GCN1: variants seen among roughly 807,000 people sequenced by gnomAD.
GCN1 encodes GCN1 activator of EIF2AK4, also known as stalled ribosome sensor GCN1.
GCN1 carries 90 observed loss-of-function variants against 288.4 expected under a neutral mutation model. That is an observed-to-expected ratio of 0.31 (90% confidence interval 0.26 to 0.37). GCN1 has a LOEUF of 0.37. GCN1 is among the 10% of genes least tolerant of loss of function. The probability of loss-of-function intolerance (pLI) is 1.00; values close to 1 mark genes in which losing one functional copy is unlikely to be tolerated. For missense variants in GCN1, 2,586 were observed against 3,419.9 expected, an observed-to-expected ratio of 0.76 and a Z score of 6.08; for synonymous variants, 1,386 against 1,420.2, an observed-to-expected ratio of 0.98 and a Z score of 0.54.
At position 120,137,766 on chromosome 12, in the gene GCN1, C is replaced by G; in HGVS notation, c.6442G>C (p.Gly2148Arg). 1 of 1,614,064 alleles carries G rather than the reference C, an allele frequency of 6.2e-7. No homozygotes were observed. Among genetic ancestry groups the G allele is most frequent in the Non-Finnish European group, 8.5e-7 (1 of 1,179,960 alleles). ...AVILSVEDDT[G>R]HRIIIEDLLE... ...AGATCCTCGATGATGATCCGGTGCC[C>G]TGTGTCATCCTCTACGGAGAGGATC... is the stretch of plus-strand genomic sequence containing the variant. The change falls in exon 49 of 58, where the codon GGG (glycine) becomes CGG (arginine). Residue 2148 changes from glycine to arginine, a missense_variant. Around this residue, in one of 8 missense-constraint regions of GCN1, gnomAD observed 437 missense variants for 570.5 expected, o/e 0.77. Transcript: ENST00000300648. This position sits in a 1 kb window ranked among gnomAD's most constrained non-coding sequence, Gnocchi z 5.2.
At chr12:120,136,374 T>C (rs755091751) in intron 51 of GCN1, 128 bp downstream of exon 51, 1 of 698,670 alleles carries the variant, frequency 1.4e-6, no homozygotes, top group Non-Finnish European at 2.5e-6. Context: ...AAGTCCAAGG[T>C]CTTACCTCCC....
intron 54 of GCN1, among the ~76,000 whole-genome samples, chr12:120,131,638 G>A (rs1876827930): frequency 6.6e-6 from 1 of 152,246 alleles, no homozygotes; most frequent in Admixed American, 6.5e-5. Flanking sequence ...TTTAGAGACA[G>A]GGCCTCGCTC....
intron 1 of GCN1, among the ~76,000 whole-genome samples, chr12:120,193,763 T>C (rs1274121744): frequency 6.6e-6 from 1 of 152,246 alleles, no homozygotes; most frequent in Non-Finnish European, 1.5e-5. Flanking sequence ...CTTTTCTTTC[T>C]AGTATTCAGT....
chr12:120,142,469 T>C lies in GCN1; in HGVS notation c.5829+38A>G. On this transcript the variant is annotated intron_variant, in intron 44 of 57. Coordinates refer to ENST00000300648, the MANE Select transcript of GCN1 (RefSeq NM_006836.2). The surrounding 1 kb of genome is among the most constrained non-coding windows in gnomAD (Gnocchi z 4.9). ...CCTTCTAGGCTCTGAAAGGAGGCAC[T>C]GGGGCTGCTGGTCCAAAACAAGGCC... The C allele has an allele frequency of 6.6e-7, 1 of 1,513,084 alleles. No homozygotes were observed. The highest frequency in any genetic ancestry group is 9.2e-7 in the Non-Finnish European group (1 of 1,088,902). 93.7% of individuals were successfully genotyped at this position (1,513,084 alleles called of 1,614,324 possible). A position where few individuals can be genotyped will look rare whatever the true frequency, so the allele number is the denominator to read the frequency against.
Position 120,161,584 on chromosome 12 carries a change from C to G in GCN1, c.2343-1G>C, listed in dbSNP as rs1483060730. ...CTTTTTTATGCTGTCCTGCTGGGCA[C>G]TGAAACACCAGAGTGGGTCATCAGC... is the stretch of plus-strand genomic sequence containing the variant. On this transcript the variant is annotated splice_acceptor_variant, in intron 21 of 57. Coordinates refer to ENST00000300648, the MANE Select transcript of GCN1 (RefSeq NM_006836.2). LOFTEE classifies it high-confidence loss of function. 2 of 1,609,718 alleles carry G rather than the reference C, an allele frequency of 1.2e-6. No homozygotes were observed. The highest frequency in any genetic ancestry group is 1.7e-6 in the Non-Finnish European group (2 of 1,176,048).
chr12:120,165,237 A>T (rs1324106641), intron 16 of GCN1, among the ~76,000 whole-genome samples: 1 of 151,868 alleles, frequency 6.6e-6, no homozygotes, highest in Admixed American at 6.6e-5. Context: ...GGGTTTCACC[A>T]TGTTAGCCAG....
intron 33 of GCN1, among the ~76,000 whole-genome samples, chr12:120,152,435 T>C (rs1012007398): frequency 5.8e-4 from 76 of 130,540 alleles, no homozygotes; most frequent in Non-Finnish European, 1.1e-3. Context: ...TAAATATATA[T>C]ATATTTATAT....
At chr12:120,181,558 G>A (rs1034054899) in intron 5 of GCN1, among the ~76,000 whole-genome samples, 2 of 148,706 alleles carry the variant, frequency 1.3e-5, no homozygotes, top group African/African-American at 5.0e-5. Context: ...GGCTGGGCAC[G>A]ACCAGGTGCA....
At chr12:120,139,485 C>A (rs946008958) in intron 45 of GCN1, among the ~76,000 whole-genome samples, 1 of 150,882 alleles carries the variant, frequency 6.6e-6, no homozygotes, top group African/African-American at 2.4e-5. Flanking sequence ...AAATTAGCTA[C>A]GTGTGGTGGT....
Position 120,174,132 on chromosome 12 carries a change from A to G in GCN1, c.1131T>C (p.Pro377=), listed in dbSNP as rs774256431. 1 of 1,607,898 alleles carries G rather than the reference A, an allele frequency of 6.2e-7. No homozygotes were observed. The highest frequency in any genetic ancestry group is 2.2e-5 in the East Asian group (1 of 44,866). Reference sequence around the variant, plus strand: ...CGATCCCATTCAGGACCTGACTGGAAGGTCCAGACACCACGTGATGACTGA... The same window carrying G: ...CGATCCCATTCAGGACCTGACTGGAGGGTCCAGACACCACGTGATGACTGA... ...GSVSHHVVSG[P]SSQVLNGIVA... is the part of the protein sequence containing the mutation. The change falls in exon 13 of 58, where the codon CCT becomes CCC. Residue 377 remains proline (P), a synonymous_variant. Coordinates refer to ENST00000300648, the MANE Select transcript of GCN1 (RefSeq NM_006836.2).
At chr12:120,172,259 G>T (rs573434612) in intron 14 of GCN1, among the ~76,000 whole-genome samples, 3 of 152,166 alleles carry the variant, frequency 2.0e-5, no homozygotes, top group Non-Finnish European at 4.4e-5. Flanking sequence ...GAAAATCTAT[G>T]ACTTCAATCA....
Position 120,145,311 on chromosome 12 carries a change from G to A in GCN1, c.4967C>T (p.Pro1656Leu). 1 of 1,597,134 alleles carries A rather than the reference G, an allele frequency of 6.3e-7. No homozygotes were observed. Among genetic ancestry groups the A allele is most frequent in the East Asian group, 2.2e-5 (1 of 44,696 alleles). The change falls in exon 39 of 58, where the codon CCC (proline) becomes CTC (leucine). Residue 1656 changes from proline to leucine, a missense_variant. By Grantham distance (98) the Pro-to-Leu change is moderately conservative (BLOSUM62 -3). Coordinates refer to ENST00000300648, the MANE Select transcript of GCN1 (RefSeq NM_006836.2). ...TGCTTTCAGGCCAGGCGTCACGCTGGGCAGGTACGGAGCCAAGTCCTGCAA... is the reference window on the plus strand; with the variant it reads ...TGCTTTCAGGCCAGGCGTCACGCTGAGCAGGTACGGAGCCAAGTCCTGCAA... Reference protein sequence around the residue: ...TDQKDLAPYLPSVTPGLKASL... With the variant: ...TDQKDLAPYLLSVTPGLKASL...
At chr12:120,159,791 G>A (rs1289658649) in intron 24 of GCN1, 34 bp downstream of exon 24, 2 of 1,592,780 alleles carry the variant, frequency 1.3e-6, no homozygotes, top group South Asian at 1.1e-5. Context: ...GGGCACCCCT[G>A]GGCCATCCCT....
intron 36 of GCN1, 139 bp downstream of exon 36, chr12:120,149,467 A>G: frequency 1.6e-6 from 1 of 632,702 alleles, no homozygotes; most frequent in South Asian, 2.0e-5. Context: ...TCCATCTCAA[A>G]TTTTTAAAAA....
intron 36 of GCN1, 41 bp downstream of exon 36, chr12:120,149,565 T>C (rs572429920): frequency 1.4e-6 from 2 of 1,436,948 alleles, no homozygotes; most frequent in Non-Finnish European, 2.0e-6. Flanking sequence ...CTGGTTTTCA[T>C]AACAGGAAGC....
At chr12:120,140,365 A>G (rs921280260) in intron 45 of GCN1, among the ~76,000 whole-genome samples, 3 of 152,136 alleles carry the variant, frequency 2.0e-5, no homozygotes, top group Non-Finnish European at 4.4e-5. Flanking sequence ...CGTTGCTGCT[A>G]TGGAAACAGT....
intron 2 of GCN1, 116 bp from the exon 3 acceptor site, chr12:120,185,003 G>T: frequency 1.4e-6 from 1 of 705,138 alleles, no homozygotes; most frequent in South Asian, 1.5e-5. Flanking sequence ...ATATATTTAA[G>T]ACCTTCCTCC....
chr12:120,154,417 G>A (rs963069199), intron 31 of GCN1, among the ~76,000 whole-genome samples: 5 of 152,194 alleles, frequency 3.3e-5, no homozygotes, highest in African/African-American at 4.8e-5. Flanking sequence ...GAGTGGACAC[G>A]GCCAGGATGA....
At chr12:120,161,370 G>GTCT in intron 22 of GCN1, 120 bp downstream of exon 22, 1 of 700,186 alleles carries the variant, frequency 1.4e-6, no homozygotes, top group South Asian at 1.6e-5. Flanking sequence ...GGGCATCAGA[G>GTCT]GAGTGTGCCA....
Sources: allele counts gnomAD v4.1 joint callset (sites outside exome capture counted in the v4.1 genomes callset), GRCh38; gene constraint gnomAD v4.1.1; regional missense constraint gnomAD v4.1.1; non-coding constraint Gnocchi (gnomAD v3.1); transcripts MANE v1.5; gene names NCBI Gene and HGNC (gene_info 2026-07-23, HGNC 2026-07-21).